Variants in PTPRM observed in about 807,000 individuals in gnomAD.
The protein encoded by PTPRM is protein tyrosine phosphatase receptor type M, also known as receptor-type tyrosine-protein phosphatase mu.
PTPRM carries 47 observed loss-of-function variants against 186.7 expected under a neutral mutation model. That is an observed-to-expected ratio of 0.25 (90% CI 0.20 to 0.32). The LOEUF is 0.32. PTPRM is among the 10% of genes least tolerant of loss of function. The pLI, the probability that PTPRM is intolerant of heterozygous loss-of-function variation, is 1.00. For synonymous variants in PTPRM, 668 were observed against 674.9 expected (o/e 0.99, Z 0.16); for missense variants, 1,494 against 1,865.0 (o/e 0.80, Z 3.66).
At chr18:8,101,671 G>A (rs901369862) in intron 11 of PTPRM, among the ~76,000 whole-genome samples, 1 of 152,162 alleles carries the variant, frequency 6.6e-6, no homozygotes, top group Non-Finnish European at 1.5e-5. Context: ...TGAGGTTCAG[G>A]GAGGTTAACA....
At chr18:7,761,829 G>A (rs931764440) in intron 1 of PTPRM, among the ~76,000 whole-genome samples, 1 of 152,136 alleles carries the variant, frequency 6.6e-6, no homozygotes, top group African/African-American at 2.4e-5. Flanking sequence ...GGGAAGGAGG[G>A]AGATGCCATG....
intron 14 of PTPRM, among the ~76,000 whole-genome samples, chr18:8,235,318 G>C (rs2094331755): frequency 6.6e-6 from 1 of 152,004 alleles, no homozygotes; most frequent in African/African-American, 2.4e-5. Flanking sequence ...CACCTTTCAA[G>C]GAACTGGTCT....
chr18:8,113,972 T>C (rs1336312977), intron 12 of PTPRM, among the ~76,000 whole-genome samples: 1 of 151,044 alleles, frequency 6.6e-6, no homozygotes, highest in Non-Finnish European at 1.5e-5. Context: ...TGGGGGAGTT[T>C]ATCATCAACA....
chr18:7,793,396 A>G (rs1163275601), intron 2 of PTPRM, among the ~76,000 whole-genome samples: 1 of 152,234 alleles, frequency 6.6e-6, no homozygotes, highest in Non-Finnish European at 1.5e-5. Context: ...TGTCTGATGC[A>G]GAATCCAATT....
intron 1 of PTPRM, among the ~76,000 whole-genome samples, chr18:7,601,350 A>G (rs1456838835): frequency 6.6e-6 from 1 of 152,172 alleles, no homozygotes; most frequent in East Asian, 1.9e-4. Flanking sequence ...CCCCCGGTGC[A>G]TTAGTTTCCT....
chr18:8,294,185 GA>G (rs1426450990), intron 19 of PTPRM, among the ~76,000 whole-genome samples: 1 of 152,210 alleles, frequency 6.6e-6, no homozygotes, highest in African/African-American at 2.4e-5. Context: ...CCAGGAGGCA[GA>G]GGTTGCAGTG....
At chr18:7,982,251 T>G (rs2147462238) in intron 7 of PTPRM, among the ~76,000 whole-genome samples, 1 of 152,052 alleles carries the variant, frequency 6.6e-6, no homozygotes, top group South Asian at 2.1e-4. Flanking sequence ...TATATTCTTA[T>G]TCTATAAGCT....
chr18:8,213,671 G>C (rs1215081225), intron 14 of PTPRM, among the ~76,000 whole-genome samples: 1 of 152,096 alleles, frequency 6.6e-6, no homozygotes, highest in East Asian at 1.9e-4. Context: ...GTCTCACTGT[G>C]GTCACTGGAT....
At chr18:7,751,148 T>G (rs571047909) in intron 1 of PTPRM, 2 of 152,308 alleles carry the variant, frequency 1.3e-5, no homozygotes, top group South Asian at 4.2e-4. Flanking sequence ...AATGTCACTT[T>G]GTTCCCAGCT....
rs561101119 is a variant in PTPRM at position 8,005,759 on chromosome 18, T to G, written c.1132+50345T>G. Among the ~76,000 whole-genome samples the G allele has an allele frequency of 1.2e-4, 18 of 152,240 alleles. No individual in the cohort carries two copies. The South Asian group carries it at 2.3e-3, about 19-fold the overall frequency. On this transcript the variant is annotated intron_variant, in intron 7 of 32. Coordinates refer to ENST00000580170, the MANE Select transcript of PTPRM (RefSeq NM_001105244.2). ...CTCCTCTGATTACAGTTCTCAAAGG[T>G]CATTTTATTACTATTATTACACAGC...
In PTPRM at chr18:8,387,236, G is replaced by C; in HGVS notation, c.4208+1G>C. ...AAGGCCGCACGGTTGTGCACTGCTT[G>C]TAAGTGCTTGACAGAGCTCTTCATT... On this transcript the variant is annotated splice_donor_variant, in intron 31 of 32. Transcript: ENST00000580170. LOFTEE classifies it high-confidence loss of function. The C allele has an allele frequency of 6.2e-7, 1 of 1,612,898 alleles. No homozygotes were observed. Among genetic ancestry groups the C allele is most frequent in the Non-Finnish European group, 8.5e-7 (1 of 1,179,272 alleles).
At chr18:8,364,289 G>T (rs767707873) in intron 23 of PTPRM, among the ~76,000 whole-genome samples, 2 of 152,118 alleles carry the variant, frequency 1.3e-5, no homozygotes, top group Non-Finnish European at 2.9e-5. Flanking sequence ...CTCATATTAT[G>T]CATGAGAAAA....
chr18:8,296,768 C>T (rs1034140262), intron 20 of PTPRM, among the ~76,000 whole-genome samples: 2 of 152,078 alleles, frequency 1.3e-5, no homozygotes, highest in African/African-American at 2.4e-5. Context: ...CCAGCTGCTA[C>T]GTGAGAATGA....
chr18:7,915,113 C>A (rs1371796080), intron 4 of PTPRM, among the ~76,000 whole-genome samples: 1 of 152,054 alleles, frequency 6.6e-6, no homozygotes, highest in Non-Finnish European at 1.5e-5. Flanking sequence ...AATGATAATT[C>A]TTGGCTTTGG....
chr18:7,844,311 A>G (rs1189831512), intron 2 of PTPRM, among the ~76,000 whole-genome samples: 2 of 152,238 alleles, frequency 1.3e-5, no homozygotes, highest in African/African-American at 4.8e-5. Context: ...CTTAAGATCT[A>G]TAAATCTTAT....
chr18:8,307,726 C>G (rs573531134), intron 20 of PTPRM, among the ~76,000 whole-genome samples: 1 of 152,120 alleles, frequency 6.6e-6, no homozygotes, highest in East Asian at 1.9e-4. Flanking sequence ...ATTGCTTGAA[C>G]CCAGGAGGCA....
intron 7 of PTPRM, among the ~76,000 whole-genome samples, chr18:8,024,679 A>ATTTTTT (rs371657196): frequency 3.2e-5 from 2 of 62,458 alleles, no homozygotes; most frequent in Non-Finnish European, 6.7e-5. Context: ...GGAAACCCAA[A>ATTTTTT]TCTTTTTTTT....
intron 7 of PTPRM, among the ~76,000 whole-genome samples, chr18:8,055,736 G>T (rs114713216): frequency 3.9e-5 from 6 of 152,070 alleles, no homozygotes; most frequent in Non-Finnish European, 8.8e-5. Flanking sequence ...GAAAGTAGGA[G>T]GCCTATATTT....
At chr18:8,112,623 A>G (rs1413054716) in intron 11 of PTPRM, among the ~76,000 whole-genome samples, 1 of 152,222 alleles carries the variant, frequency 6.6e-6, no homozygotes, top group Non-Finnish European at 1.5e-5. Flanking sequence ...ACAAAACTGC[A>G]AACAACATTC....
Sources: allele counts gnomAD v4.1 joint callset (sites outside exome capture counted in the v4.1 genomes callset), GRCh38; gene constraint gnomAD v4.1.1; transcripts MANE v1.5; gene names NCBI Gene and HGNC (gene_info 2026-07-23, HGNC 2026-07-21).